PRELID3A: variants seen among roughly 807,000 people sequenced by gnomAD.
The protein encoded by PRELID3A is PRELI domain containing 3A.
A neutral mutation model predicts 23.0 loss-of-function variants in PRELID3A; 27 were observed. The ratio of observed to expected loss-of-function variants is 1.17; its 90% CI spans 0.87 to 1.62. The LOEUF (loss-of-function observed/expected upper bound fraction) is 1.62. Among genes scored for constraint, PRELID3A ranks in the 40% most tolerant of loss-of-function variants. The pLI is 0.00. For synonymous variants in PRELID3A, 87 were observed against 86.4 expected (o/e 1.01, Z -0.04); for missense variants, 231 against 231.4 (o/e 1.00, Z 0.01).
At chr18:12,426,374 G>A (rs1183938608) in intron 3 of PRELID3A, among the ~76,000 whole-genome samples, 6 of 150,390 alleles carry the variant, frequency 4.0e-5, no homozygotes, top group African/African-American at 1.5e-4. Context: ...CTAACACGGT[G>A]AAACTCCGTC....
At chr18:12,420,536 C>G (rs2030136079) in intron 2 of PRELID3A, 43 bp downstream of exon 2, 11 of 1,459,068 alleles carry the variant, frequency 7.5e-6, no homozygotes, top group Non-Finnish European at 9.9e-6. Flanking sequence ...GCCCGACTCC[C>G]CCACTCCCGC....
At chr18:12,430,946 G>A (rs909025212) in intron 6 of PRELID3A, among the ~76,000 whole-genome samples, 9 of 151,356 alleles carry the variant, frequency 5.9e-5, no homozygotes, top group African/African-American at 1.9e-4. Flanking sequence ...TGTATTGTGT[G>A]CTGTGTGTGA....
chr18:12,412,023 G>C (rs1443220888), intron 1 of PRELID3A, among the ~76,000 whole-genome samples: 3 of 149,918 alleles, frequency 2.0e-5, no homozygotes, highest in Admixed American at 1.4e-4. Context: ...CCATTCTCCT[G>C]CCTCAGCCTC....
At chr18:12,419,325 CAAA>C (rs71172083) in intron 1 of PRELID3A, among the ~76,000 whole-genome samples, 15 of 104,484 alleles carry the variant, frequency 1.4e-4, no homozygotes, top group Admixed American at 3.1e-4. Flanking sequence ...GACTCCATAT[CAAA>C]AAAAAAAAAA....
chr18:12,420,966 G>A (rs571665343), intron 2 of PRELID3A, among the ~76,000 whole-genome samples: 1 of 152,230 alleles, frequency 6.6e-6, no homozygotes, highest in African/African-American at 2.4e-5. Context: ...CCCAGCGTCC[G>A]CAGCCAGCCG....
chr18:12,427,296 C>A lies in PRELID3A; in HGVS notation c.438C>A (p.Ala146=). ...GTAGTTATTTGGAAAGTTTAATGGC[C>A]AATACGATATCATCCAATGCAAAGA... ...SLGSYLESLM[A]NTISSNAKKG... Residue 146 remains alanine, a synonymous_variant, in exon 5 of 7, where the codon GCC becomes GCA. Coordinates refer to ENST00000440960, the MANE Select transcript of PRELID3A (RefSeq NM_001142405.2). 1.2e-6 allele frequency: 2 copies of A among 1,612,812 alleles called. No individual in the cohort carries two copies. Among genetic ancestry groups the A allele is most frequent in the Non-Finnish European group, 1.7e-6 (2 of 1,178,764 alleles).
Position 12,408,021 on chromosome 18 carries a change from G to T in PRELID3A, c.32+14G>T. On this transcript the variant is annotated intron_variant, in intron 1 of 6. Transcript: ENST00000440960. Reference sequence around the variant, plus strand: ...GCACGTGTTTGGGTGAGGCCGGGCTGAGGGCCGCGGTGGGGCCGTCCAGAC... The same window carrying T: ...GCACGTGTTTGGGTGAGGCCGGGCTTAGGGCCGCGGTGGGGCCGTCCAGAC... 1 of 1,266,186 alleles carries T rather than the reference G, an allele frequency of 7.9e-7. No homozygotes were observed. 78.4% of individuals were successfully genotyped at this position (1,266,186 alleles called of 1,614,324 possible). A position where few individuals can be genotyped will look rare whatever the true frequency, so the allele number is the denominator to read the frequency against.
intron 1 of PRELID3A, chr18:12,420,110 A>G: frequency 1.4e-6 from 2 of 1,418,212 alleles, no homozygotes; most frequent in Non-Finnish European, 9.2e-7. Context: ...GTCTCAGACA[A>G]ACAAAAACCA....
chr18:12,416,929 A>T (rs2029979026), intron 1 of PRELID3A, among the ~76,000 whole-genome samples: 1 of 151,760 alleles, frequency 6.6e-6, no homozygotes, highest in African/African-American at 2.4e-5. Context: ...ACAGGCACAA[A>T]CTACAGTACC....
At chr18:12,416,363 G>C (rs1396942704) in intron 1 of PRELID3A, among the ~76,000 whole-genome samples, 4 of 152,162 alleles carry the variant, frequency 2.6e-5, no homozygotes, top group Non-Finnish European at 5.9e-5. Flanking sequence ...AGGCTGGAGT[G>C]CAGTGGTACA....
At chr18:12,416,864 C>G (rs2029976201) in intron 1 of PRELID3A, among the ~76,000 whole-genome samples, 1 of 151,962 alleles carries the variant, frequency 6.6e-6, no homozygotes, top group South Asian at 2.1e-4. Context: ...CCAGGATGGT[C>G]TCGATCTCCT....
chr18:12,429,263 T>G, intron 5 of PRELID3A, 87 bp from the exon 6 acceptor site: 1 of 1,133,290 alleles, frequency 8.8e-7, no homozygotes, highest in South Asian at 1.3e-5. Flanking sequence ...GCTTGCCTTC[T>G]GCAGTTTAGC....
chr18:12,426,382 G>T (rs530837735), intron 3 of PRELID3A, among the ~76,000 whole-genome samples: 2 of 149,626 alleles, frequency 1.3e-5, no homozygotes, highest in Non-Finnish European at 3.0e-5. Context: ...GTGAAACTCC[G>T]TCTCTACTAA....
chr18:12,430,087 C>G (rs1419597061), intron 6 of PRELID3A, among the ~76,000 whole-genome samples: 2 of 152,212 alleles, frequency 1.3e-5, no homozygotes, highest in African/African-American at 4.8e-5. Context: ...CCCATCTGTC[C>G]CCCGTGTGTG....
chr18:12,409,415 C>T (rs926337309), intron 1 of PRELID3A, among the ~76,000 whole-genome samples: 2 of 152,094 alleles, frequency 1.3e-5, no homozygotes, highest in African/African-American at 2.4e-5. Context: ...GATCCACCCG[C>T]CTCGGCCTCC....
chr18:12,414,553 C>A (rs1319938545), intron 1 of PRELID3A, among the ~76,000 whole-genome samples: 1 of 152,176 alleles, frequency 6.6e-6, no homozygotes, highest in African/African-American at 2.4e-5. Flanking sequence ...TGGTGAACCC[C>A]CATCTCTACT....
intron 5 of PRELID3A, 71 bp downstream of exon 5, chr18:12,427,394 T>A: frequency 8.5e-7 from 1 of 1,180,760 alleles, no homozygotes; most frequent in South Asian, 1.3e-5. Context: ...ATATGACATT[T>A]TTAGTCTCAT....
intron 1 of PRELID3A, among the ~76,000 whole-genome samples, chr18:12,412,468 G>A (rs551657127): frequency 2.6e-5 from 4 of 152,184 alleles, no homozygotes; most frequent in South Asian, 2.1e-4. Context: ...GTTTACAGGC[G>A]TGAGCCACTG....
intron 6 of PRELID3A, 72 bp from the exon 7 acceptor site, chr18:12,431,078 G>GCGGTGT (rs2030581191): frequency 2.1e-5 from 2 of 95,332 alleles, no homozygotes; most frequent in African/African-American, 7.0e-5. Context: ...TCATGAGTGT[G>GCGGTGT]GTTTATGTCT....
Sources: allele counts gnomAD v4.1 joint callset (sites outside exome capture counted in the v4.1 genomes callset), GRCh38; gene constraint gnomAD v4.1.1; transcripts MANE v1.5; gene names NCBI Gene and HGNC (gene_info 2026-07-23, HGNC 2026-07-21).